Variants in NPAS3 observed in about 807,000 individuals in gnomAD.
The protein encoded by NPAS3 is neuronal PAS domain protein 3, also known as neuronal PAS domain-containing protein 3.
NPAS3 carries 14 observed loss-of-function variants against 73.1 expected under a neutral mutation model. The ratio of observed to expected loss-of-function variants is 0.19; its 90% CI spans 0.13 to 0.30. NPAS3 has a LOEUF of 0.30. Ranked by LOEUF, NPAS3 falls within the 10% of genes least tolerant of loss-of-function variation. The pLI is 1.00. For synonymous variants in NPAS3, 620 were observed against 541.5 expected (o/e 1.14, Z -2.01); for missense variants, 1,096 against 1,250.0 (o/e 0.88, Z 1.86).
intron 1 of NPAS3, among the ~76,000 whole-genome samples, chr14:33,028,667 G>A (rs938961808): frequency 6.6e-6 from 1 of 152,050 alleles, no homozygotes; most frequent in African/African-American, 2.4e-5. Flanking sequence ...ATGTATACCT[G>A]GCCTGGAGTA....
chr14:33,655,662 C>A (rs2059125049), intron 5 of NPAS3, among the ~76,000 whole-genome samples: 1 of 152,124 alleles, frequency 6.6e-6, no homozygotes, highest in Non-Finnish European at 1.5e-5. Context: ...CCCAAAGAAT[C>A]CTTTTCCATT....
intron 3 of NPAS3, among the ~76,000 whole-genome samples, chr14:33,283,934 G>A (rs921601750): frequency 6.6e-6 from 1 of 152,068 alleles, no homozygotes; most frequent in Non-Finnish European, 1.5e-5. Context: ...CAGAATTGTG[G>A]CCTCCTCCTA....
chr14:33,125,976 A>G (rs1238228702), intron 2 of NPAS3, among the ~76,000 whole-genome samples: 1 of 152,110 alleles, frequency 6.6e-6, no homozygotes, highest in African/African-American at 2.4e-5. Flanking sequence ...ATGGCAGTTG[A>G]TGTTTCTAGT....
chr14:33,219,181 C>T (rs1831298094), intron 3 of NPAS3, among the ~76,000 whole-genome samples: 1 of 152,242 alleles, frequency 6.6e-6, no homozygotes, highest in East Asian at 1.9e-4. Context: ...GTTGGTAAAT[C>T]ACTTCTCCAT....
At chr14:33,676,060 T>TAAGTA (rs1373740578) in intron 5 of NPAS3, 151 bp from the exon 6 acceptor site, 10 of 698,780 alleles carry the variant, frequency 1.4e-5, no homozygotes, top group Middle Eastern at 6.2e-4. Flanking sequence ...CAAGAATTCT[T>TAAGTA]AAGTATTTGA....
intron 2 of NPAS3, among the ~76,000 whole-genome samples, chr14:33,096,446 A>G (rs1334649654): frequency 6.6e-6 from 1 of 152,230 alleles, no homozygotes; most frequent in East Asian, 1.9e-4. Context: ...TTTAGTTTCA[A>G]AAACGAAGCT....
intron 1 of NPAS3, among the ~76,000 whole-genome samples, chr14:32,969,137 C>A (rs1157691681): frequency 6.6e-6 from 1 of 152,188 alleles, no homozygotes; most frequent in African/African-American, 2.4e-5. Flanking sequence ...TGTGGCTGTC[C>A]TGGTAGTCTC....
rs539105386 is a variant in NPAS3 at position 33,325,606 on chromosome 14, C to T, written c.386-41580C>T. Among the ~76,000 whole-genome samples the T allele has an allele frequency of 5.3e-5, 8 of 150,404 alleles. No homozygotes were observed. In the South Asian group the frequency reaches 8.5e-4, roughly 16 times the overall value. On this transcript the variant is annotated intron_variant, in intron 3 of 11. Coordinates refer to ENST00000356141, the Ensembl canonical transcript of NPAS3. The stretch of plus-strand genomic sequence containing the variant: ...AGGTTGCAGTGAGTCAAGATCGTGC[C>T]CTCAGCCTGGGTGACAGGGTGAGAC...
At chr14:33,113,679 C>T (rs1455336925) in intron 2 of NPAS3, among the ~76,000 whole-genome samples, 1 of 152,136 alleles carries the variant, frequency 6.6e-6, no homozygotes, top group African/African-American at 2.4e-5. Flanking sequence ...TGCCTGATTG[C>T]CCTGGCCAGA....
chr14:33,183,956 C>T (rs2045894871), intron 2 of NPAS3, among the ~76,000 whole-genome samples: 1 of 152,098 alleles, frequency 6.6e-6, no homozygotes, highest in Non-Finnish European at 1.5e-5. Flanking sequence ...AGCCAGTATC[C>T]CTGAAAACTC....
intron 4 of NPAS3, among the ~76,000 whole-genome samples, chr14:33,388,315 G>A (rs990029206): frequency 6.6e-6 from 1 of 152,184 alleles, no homozygotes; most frequent in African/African-American, 2.4e-5. Context: ...AAGAAGTAGA[G>A]GGGGTGCAGA....
At chr14:33,077,651 T>C (rs1358738939) in intron 2 of NPAS3, among the ~76,000 whole-genome samples, 1 of 152,114 alleles carries the variant, frequency 6.6e-6, no homozygotes, top group African/African-American at 2.4e-5. Flanking sequence ...TTTTACTAAT[T>C]TACTAATTAA....
At chr14:32,942,022 G>A (rs1283272158) in intron 1 of NPAS3, among the ~76,000 whole-genome samples, 1 of 152,224 alleles carries the variant, frequency 6.6e-6, no homozygotes, top group Non-Finnish European at 1.5e-5. Flanking sequence ...CTTGCTTCAA[G>A]TAAGTGAGTA....
intron 4 of NPAS3, among the ~76,000 whole-genome samples, chr14:33,398,126 TAGAG>T (rs151046785): frequency 0.015 from 2,212 of 152,224 alleles, 46 homozygotes; most frequent in African/African-American, 0.051. Context: ...AGCTGGGTCT[TAGAG>T]AGAAGGTTTT....
intron 5 of NPAS3, among the ~76,000 whole-genome samples, chr14:33,637,374 A>G (rs1297920262): frequency 6.6e-6 from 1 of 152,222 alleles, no homozygotes; most frequent in African/African-American, 2.4e-5. Flanking sequence ...GTATATTTAG[A>G]AAGTATATAT....
At chr14:33,231,531 A>G (rs992266789) in intron 3 of NPAS3, among the ~76,000 whole-genome samples, 1 of 152,166 alleles carries the variant, frequency 6.6e-6, no homozygotes, top group African/African-American at 2.4e-5. Context: ...ATGTTCTAGT[A>G]TGGTGATCTA....
intron 3 of NPAS3, among the ~76,000 whole-genome samples, chr14:33,303,017 A>C (rs1289634826): frequency 6.6e-6 from 1 of 152,080 alleles, no homozygotes; most frequent in Non-Finnish European, 1.5e-5. Flanking sequence ...TCTCATCTTT[A>C]AAAATGGCTT....
At chr14:33,062,821 G>T (rs981115230) in intron 2 of NPAS3, among the ~76,000 whole-genome samples, 12 of 152,328 alleles carry the variant, frequency 7.9e-5, no homozygotes, top group African/African-American at 2.9e-4. Context: ...AAATACTACA[G>T]CAAACTTAAA....
intron 5 of NPAS3, among the ~76,000 whole-genome samples, chr14:33,634,932 A>G (rs1444828533): frequency 6.6e-6 from 1 of 152,186 alleles, no homozygotes; most frequent in Non-Finnish European, 1.5e-5. Context: ...GCCCCACCCA[A>G]TATCTACTGA....
Sources: allele counts gnomAD v4.1 joint callset (sites outside exome capture counted in the v4.1 genomes callset), GRCh38; gene constraint gnomAD v4.1.1; transcripts MANE v1.5; gene names NCBI Gene and HGNC (gene_info 2026-07-23, HGNC 2026-07-21).